The following PRR16 variants were observed in gnomAD, a reference collection of about 807,000 sequenced individuals.
PRR16 encodes protein Largen.
In PRR16, 6 loss-of-function variants were observed where a neutral mutation model predicts 18.2. The observed-to-expected ratio is 0.33, with a 90% CI of 0.18 to 0.65. The LOEUF (loss-of-function observed/expected upper bound fraction) is 0.65. Ranked by LOEUF, PRR16 falls within the 30% of genes least tolerant of loss-of-function variation. The pLI, the probability that PRR16 is intolerant of heterozygous loss-of-function variation, is 0.74. For missense variants in PRR16, 412 were observed against 376.6 expected, an observed-to-expected ratio of 1.09 and a Z score of -0.78; for synonymous variants, 151 against 147.8, an observed-to-expected ratio of 1.02 and a Z score of -0.16.
intron 1 of PRR16, among the ~76,000 whole-genome samples, chr5:120,652,574 C>T (rs1755828819): frequency 6.6e-6 from 1 of 151,924 alleles, no homozygotes; most frequent in Non-Finnish European, 1.5e-5. Flanking sequence ...AACACATTTC[C>T]TTAGTCTAAC....
chr5:120,653,612 A>G (rs1188697934), intron 1 of PRR16, among the ~76,000 whole-genome samples: 1 of 152,052 alleles, frequency 6.6e-6, no homozygotes, highest in Non-Finnish European at 1.5e-5. Flanking sequence ...ACTGATTACC[A>G]TTTATTTGAC....
chr5:120,466,734 G>A (rs977807797), intron 1 of PRR16, among the ~76,000 whole-genome samples: 1 of 152,130 alleles, frequency 6.6e-6, no homozygotes, highest in East Asian at 1.9e-4. Flanking sequence ...ATAAAAAGCA[G>A]AGATAATGTA....
intron 1 of PRR16, among the ~76,000 whole-genome samples, chr5:120,561,138 T>G: frequency 6.6e-6 from 1 of 152,016 alleles, no homozygotes; most frequent in Non-Finnish European, 1.5e-5. Context: ...ATCTTCATTA[T>G]TCCTTTTTCT....
chr5:120,613,362 T>A, intron 1 of PRR16, among the ~76,000 whole-genome samples: 1 of 97,094 alleles, frequency 1.0e-5, no homozygotes, highest in African/African-American at 3.0e-5. Flanking sequence ...ATTTAAAGCT[T>A]CATAATTTAT....
intron 1 of PRR16, among the ~76,000 whole-genome samples, chr5:120,471,403 A>G (rs1172254318): frequency 1.3e-5 from 2 of 152,120 alleles, no homozygotes; most frequent in South Asian, 2.1e-4. Flanking sequence ...TTTTGTTGCT[A>G]TCAAATTACC....
the PRR16 span, among the ~76,000 whole-genome samples, chr5:120,761,829 T>C: frequency 1.3e-5 from 2 of 152,130 alleles, no homozygotes; most frequent in Admixed American, 6.5e-5. Flanking sequence ...TGTCTAACTG[T>C]ATGTTTGTAC....
intron 1 of PRR16, among the ~76,000 whole-genome samples, chr5:120,660,240 T>G (rs1189762991): frequency 6.6e-6 from 1 of 152,084 alleles, no homozygotes; most frequent in Non-Finnish European, 1.5e-5. Context: ...TCAAATTGTA[T>G]TTCTTAGGAA....
At chr5:120,469,344 C>T (rs568542838) in intron 1 of PRR16, among the ~76,000 whole-genome samples, 1 of 152,250 alleles carries the variant, frequency 6.6e-6, no homozygotes, top group Non-Finnish European at 1.5e-5. Context: ...TTGTTTGAGA[C>T]AGTATCTTGC....
the PRR16 span, among the ~76,000 whole-genome samples, chr5:120,745,762 G>A: frequency 4.0e-5 from 6 of 151,624 alleles, no homozygotes; most frequent in South Asian, 8.3e-4. Flanking sequence ...GCAGTGGGGC[G>A]ATCTCAGCTC....
intron 1 of PRR16, among the ~76,000 whole-genome samples, chr5:120,496,103 T>G (rs768173633): frequency 6.6e-6 from 1 of 152,042 alleles, no homozygotes; most frequent in Non-Finnish European, 1.5e-5. Flanking sequence ...TTAATATGGT[T>G]GATTAAAAAA....
intron 1 of PRR16, among the ~76,000 whole-genome samples, chr5:120,511,996 T>C (rs1750842244): frequency 6.6e-6 from 1 of 152,170 alleles, no homozygotes; most frequent in Non-Finnish European, 1.5e-5. Flanking sequence ...ACAGTTAAAT[T>C]ATTCAGCTCT....
intron 1 of PRR16, among the ~76,000 whole-genome samples, chr5:120,486,477 G>A (rs1320584718): frequency 5.3e-5 from 8 of 151,584 alleles, no homozygotes; most frequent in South Asian, 2.1e-4. Flanking sequence ...CATGTCCTTC[G>A]CCCACTTTTT....
the PRR16 span, among the ~76,000 whole-genome samples, chr5:120,701,946 A>T: frequency 6.6e-6 from 1 of 152,188 alleles, no homozygotes; most frequent in Non-Finnish European, 1.5e-5. Flanking sequence ...TACTGGGGTC[A>T]AGCGGCATTG....
chr5:120,505,567 A>G (rs1346858584), intron 1 of PRR16, among the ~76,000 whole-genome samples: 2 of 152,164 alleles, frequency 1.3e-5, no homozygotes, highest in Admixed American at 1.3e-4. Context: ...CAGGCTATCC[A>G]TCACTGGAGG....
At chr5:120,471,021 A>G (rs1277218622) in intron 1 of PRR16, among the ~76,000 whole-genome samples, 1 of 152,210 alleles carries the variant, frequency 6.6e-6, no homozygotes, top group Admixed American at 6.5e-5. Flanking sequence ...TTGCAGCAGC[A>G]GCGTATGTAT....
chr5:120,685,054 A>G (rs1757079167), intron 1 of PRR16, among the ~76,000 whole-genome samples: 1 of 152,170 alleles, frequency 6.6e-6, no homozygotes, highest in African/African-American at 2.4e-5. Flanking sequence ...CCTTTCTCCA[A>G]GGCGAGACAG....
At chr5:120,656,880 T>C (rs1249134312) in intron 1 of PRR16, among the ~76,000 whole-genome samples, 1 of 152,004 alleles carries the variant, frequency 6.6e-6, no homozygotes, top group East Asian at 1.9e-4. Flanking sequence ...AAGGCTTCTT[T>C]AAGAAGAAAA....
At chr5:120,700,957 A>G in the PRR16 span, among the ~76,000 whole-genome samples, 27 of 152,074 alleles carry the variant, frequency 1.8e-4, no homozygotes, top group Admixed American at 6.5e-5. Context: ...GAACAGTCCA[A>G]TTTTCAGTGG....
the PRR16 span, among the ~76,000 whole-genome samples, chr5:120,760,996 C>G: frequency 6.6e-6 from 1 of 151,880 alleles, no homozygotes; most frequent in Non-Finnish European, 1.5e-5. Context: ...TGGAGGGAGA[C>G]CAAACCAGGT....
Sources: gnomAD v4.1 joint callset for allele counts (sites outside exome capture counted in the v4.1 genomes callset) on GRCh38, gnomAD v4.1.1 for gene constraint, MANE v1.5 for transcripts, NCBI Gene and HGNC (gene_info 2026-07-23, HGNC 2026-07-21) for gene names.